TMEM117: variants seen among roughly 807,000 people sequenced by gnomAD.
TMEM117 encodes the protein transmembrane protein 117.
Under a neutral mutation model 52.4 loss-of-function variants are expected in TMEM117, and 27 were observed. The observed-to-expected ratio is 0.51, with a 90% CI of 0.38 to 0.71. The LOEUF is 0.71. TMEM117 is among the 30% of genes least tolerant of loss of function. TMEM117 has a pLI of 0.00. For synonymous variants in TMEM117, 215 were observed against 206.3 expected, an observed-to-expected ratio of 1.04 and a Z score of -0.36; for missense variants, 556 against 630.5, an observed-to-expected ratio of 0.88 and a Z score of 1.26.
chr12:43,889,990 T>C (rs1003790252), intron 2 of TMEM117, among the ~76,000 whole-genome samples: 6 of 151,978 alleles, frequency 3.9e-5, no homozygotes, highest in African/African-American at 1.2e-4. Context: ...TCCTTCAGAG[T>C]AGGCCTGAGT....
chr12:44,140,545 G>C (rs892565593), intron 3 of TMEM117, among the ~76,000 whole-genome samples: 3 of 152,020 alleles, frequency 2.0e-5, no homozygotes, highest in African/African-American at 7.2e-5. Flanking sequence ...CTTGTTTCTT[G>C]ACATCCTAGT....
chr12:44,120,244 C>CAAA (rs1405422419), intron 3 of TMEM117, among the ~76,000 whole-genome samples: 139 of 152,232 alleles, frequency 9.1e-4, no homozygotes, highest in Non-Finnish European at 1.9e-4. Context: ...CGATGGCTGT[C>CAAA]TTCTATTCTT....
intron 3 of TMEM117, among the ~76,000 whole-genome samples, chr12:44,086,104 A>G (rs1480448606): frequency 2.0e-5 from 3 of 152,220 alleles, no homozygotes; most frequent in Admixed American, 6.5e-5. Context: ...TGAACAAGAA[A>G]GCTAACAACA....
intron 3 of TMEM117, among the ~76,000 whole-genome samples, chr12:44,117,305 C>T (rs560610140): frequency 3.3e-5 from 5 of 152,218 alleles, no homozygotes; most frequent in Non-Finnish European, 5.9e-5. Flanking sequence ...ATTCTGATGC[C>T]GTTTGCACAT....
At chr12:44,010,249 T>A (rs190815616) in intron 3 of TMEM117, 1 of 463,844 alleles carries the variant, frequency 2.2e-6, no homozygotes, top group South Asian at 1.5e-5. Flanking sequence ...AATGAGTAGA[T>A]CTTCCTAAGA....
At chr12:43,835,143 C>T (rs959490644), upstream of TMEM117, among the ~76,000 whole-genome samples, 2 of 152,116 alleles carry the variant, frequency 1.3e-5, no homozygotes, top group African/African-American at 4.8e-5. Flanking sequence ...TTTCAGCAAC[C>T]GGTAAACTGA....
intron 7 of TMEM117, among the ~76,000 whole-genome samples, chr12:44,384,686 T>G (rs1386938790): frequency 2.0e-5 from 3 of 152,194 alleles, no homozygotes; most frequent in African/African-American, 7.2e-5. Context: ...TAATGCATAC[T>G]GTTTTATTCC....
In TMEM117 at chr12:44,389,694, GTGTTTTT is replaced by G. The variant is rs1798118452; in HGVS notation, c.*1030_*1036del. Reference sequence around the variant, plus strand: ...TTGTTTAATGTCTTGTTTTGCGTATGTGTTTTTTGTTTTTGTTTTTTAAGAACTAAAT... The same window carrying G: ...TTGTTTAATGTCTTGTTTTGCGTATGTGTTTTTGTTTTTTAAGAACTAAAT... On this transcript the variant is annotated 3_prime_UTR_variant, in exon 8 of 8. Coordinates refer to ENST00000266534, the MANE Select transcript of TMEM117 (RefSeq NM_032256.3). The G allele has an allele frequency of 6.6e-6, 1 of 152,628 alleles. No individual in the cohort carries two copies. The highest frequency in any genetic ancestry group is 1.5e-5 in the Non-Finnish European group (1 of 67,982). 9.5% of individuals were successfully genotyped at this position (152,628 alleles called of 1,614,324 possible).
In TMEM117 at chr12:44,273,446, A is replaced by G. The variant is rs910326469; in HGVS notation, c.609-26134A>G. Among the ~76,000 whole-genome samples the G allele has an allele frequency of 4.6e-5, 7 of 151,908 alleles. 1 individual carries two copies. Among genetic ancestry groups the G allele is most frequent in the Non-Finnish European group, 1.0e-4 (7 of 67,962 alleles). On this transcript the variant is annotated intron_variant, in intron 5 of 7. Transcript: ENST00000266534. ...ATTCTGATAAATAGAGGAGGAAGGA[A>G]TACTTCCAAACTCATTCTACAAGGA... is the stretch of plus-strand genomic sequence containing the variant.
intron 3 of TMEM117, among the ~76,000 whole-genome samples, chr12:44,103,109 A>T (rs1947891214): frequency 6.6e-6 from 1 of 152,056 alleles, no homozygotes; most frequent in Non-Finnish European, 1.5e-5. Flanking sequence ...ATAGACTAAT[A>T]CAAAGGAAAA....
chr12:44,237,981 G>A (rs888077780), intron 5 of TMEM117, among the ~76,000 whole-genome samples: 4 of 152,078 alleles, frequency 2.6e-5, no homozygotes, highest in African/African-American at 9.7e-5. Flanking sequence ...CATTTATTCA[G>A]CACTGCTGTG....
At chr12:43,987,830 G>A (rs1245793043) in intron 3 of TMEM117, among the ~76,000 whole-genome samples, 1 of 152,084 alleles carries the variant, frequency 6.6e-6, no homozygotes, top group Admixed American at 6.6e-5. Context: ...TGTAATATCT[G>A]CAAGTTATAA....
chr12:43,835,811 G>A (rs1943015304), upstream of TMEM117, among the ~76,000 whole-genome samples: 2 of 151,846 alleles, frequency 1.3e-5, no homozygotes, highest in South Asian at 4.1e-4. Flanking sequence ...GGCGCACGCG[G>A]CCCGCGGGCT....
chr12:44,135,128 A>G (rs1393185833), intron 3 of TMEM117, among the ~76,000 whole-genome samples: 1 of 152,190 alleles, frequency 6.6e-6, no homozygotes, highest in Non-Finnish European at 1.5e-5. Context: ...ATTTTCTCAT[A>G]TAACCTCCAG....
At position 43,864,935 on chromosome 12, in the gene TMEM117, C is replaced by T. The variant is rs538842281; in HGVS notation, c.277+20007C>T. On this transcript the variant is annotated intron_variant, in intron 2 of 7. Coordinates refer to ENST00000266534, the MANE Select transcript of TMEM117 (RefSeq NM_032256.3). ...AGCTTCACTCCTGAAGCCAACAAGA[C>T]CGCAAACCCACCGGGAGGAACGAAC... 1.8e-3 allele frequency among the ~76,000 whole-genome samples: 277 copies of T among 152,194 alleles called. 3 individuals carry two copies. The highest frequency in any genetic ancestry group is 6.3e-3 in the African/African-American group (262 of 41,512).
In TMEM117 at chr12:44,057,588, G is replaced by GA. The variant is rs200770512; in HGVS notation, c.411-85928dup. On this transcript the variant is annotated intron_variant, in intron 3 of 7. Transcript: ENST00000266534. ...AGAAAGTCTGTGCTATGATTTTTTT[G>GA]AAAAAAAAATATAGGAAATATGTGG... Among the ~76,000 whole-genome samples, 899 of 139,836 alleles carry GA rather than the reference G, an allele frequency of 6.4e-3. 7 individuals carry two copies. Among genetic ancestry groups the GA allele is most frequent in the African/African-American group, 0.018 (676 of 37,630 alleles). 91.7% of individuals were successfully genotyped at this position (139,836 alleles called of 152,430 possible). A position where few individuals can be genotyped will look rare whatever the true frequency, so the allele number is the denominator to read the frequency against.
intron 3 of TMEM117, among the ~76,000 whole-genome samples, chr12:44,084,078 A>G (rs1320423415): frequency 1.3e-5 from 2 of 152,180 alleles, no homozygotes; most frequent in African/African-American, 4.8e-5. Context: ...TAACTGGTTA[A>G]ATATTGGTTT....
intron 3 of TMEM117, among the ~76,000 whole-genome samples, chr12:44,132,187 GTT>G (rs536269311): frequency 0.046 from 6,187 of 133,318 alleles, 150 homozygotes; most frequent in Middle Eastern, 0.15. Flanking sequence ...GGCTGCTCAG[GTT>G]TTTTTTTTTT....
intron 2 of TMEM117, among the ~76,000 whole-genome samples, chr12:43,853,011 T>C (rs1209530452): frequency 2.0e-5 from 3 of 152,220 alleles, no homozygotes; most frequent in Non-Finnish European, 4.4e-5. Flanking sequence ...TTGGTAGGTG[T>C]TGCATCTGAA....
Sources: gnomAD v4.1 joint callset for allele counts (sites outside exome capture counted in the v4.1 genomes callset) on GRCh38, gnomAD v4.1.1 for gene constraint, MANE v1.5 for transcripts, NCBI Gene and HGNC (gene_info 2026-07-23, HGNC 2026-07-21) for gene names.